PBX1: variants seen among roughly 807,000 people sequenced by gnomAD.
The protein encoded by PBX1 is pre-B-cell leukemia transcription factor 1.
In PBX1, 6 loss-of-function variants were observed where a neutral mutation model predicts 53.4. The observed-to-expected ratio is 0.11, with a 90% CI of 0.06 to 0.22. The LOEUF (loss-of-function observed/expected upper bound fraction) is 0.22, where lower values mean the gene tolerates loss of function less well. Among genes scored for constraint, PBX1 ranks in the 10% least tolerant of loss-of-function variants. The pLI is 1.00. For missense variants in PBX1, 251 were observed against 551.4 expected, an observed-to-expected ratio of 0.46 and a Z score of 5.46; for synonymous variants, 204 against 212.3, an observed-to-expected ratio of 0.96 and a Z score of 0.34.
At position 164,776,930 on chromosome 1, in the gene PBX1, T is replaced by TA. The variant is rs1314961491; in HGVS notation, c.266-15564_266-15563insA. ...GTGTGTGTGTGTGTGTGTGTGTGTG[T>TA]GTGTGGTGGGAGGAGAGAGAGAGAG... On this transcript the variant is annotated intron_variant, in intron 2 of 8. Coordinates refer to ENST00000420696, the MANE Select transcript of PBX1 (RefSeq NM_002585.4). Among the ~76,000 whole-genome samples the TA allele has an allele frequency of 1.9e-3, 165 of 88,222 alleles. 2 individuals are homozygous for TA. Among genetic ancestry groups the TA allele is most frequent in the Non-Finnish European group, 2.7e-3 (127 of 46,780 alleles). 57.9% of individuals were successfully genotyped at this position (88,222 alleles called of 152,430 possible). A position where few individuals can be genotyped will look rare whatever the true frequency, so the allele number is the denominator to read the frequency against.
Position 164,671,741 on chromosome 1 carries a change from C to T in PBX1, c.265+108430C>T, listed in dbSNP as rs563544698. Among the ~76,000 whole-genome samples, 111 of 152,164 alleles carry T rather than the reference C, an allele frequency of 7.3e-4. 1 individual carries two copies. The highest frequency in any genetic ancestry group is 2.6e-3 in the African/African-American group (108 of 41,518). On this transcript the variant is annotated intron_variant, in intron 2 of 8. Transcript: ENST00000420696. ...GAGGTTAAGAGTAAGCAGGTTAAATCTGCATTCAAATCAATAGAAAGCCTC... is the reference window on the plus strand; with the variant it reads ...GAGGTTAAGAGTAAGCAGGTTAAATTTGCATTCAAATCAATAGAAAGCCTC...
At chr1:164,820,965 A>G (rs1415191955) in intron 7 of PBX1, among the ~76,000 whole-genome samples, 2 of 152,148 alleles carry the variant, frequency 1.3e-5, no homozygotes, top group Non-Finnish European at 2.9e-5. Flanking sequence ...CTGGTCAGCG[A>G]TTCACCCCTT....
chr1:164,828,278 G>A (rs1670569992), intron 8 of PBX1, among the ~76,000 whole-genome samples: 2 of 152,120 alleles, frequency 1.3e-5, no homozygotes, highest in South Asian at 4.1e-4. Context: ...ATGCGTGTGT[G>A]TGTGTGTGTG....
intron 2 of PBX1, among the ~76,000 whole-genome samples, chr1:164,871,840 T>C (rs977459534): frequency 7.2e-6 from 1 of 138,182 alleles, no homozygotes; most frequent in Admixed American, 7.6e-5. Context: ...GCTGCTCTAC[T>C]GCACACCATT....
chr1:164,559,698 C>G lies in PBX1; in HGVS notation c.-125C>G, dbSNP rs1224989935. ...TTTTTCTTTTGGTCTTCTTTTTTCC[C>G]CCTTCCCTGTTTATCCTGAAAAGGA... On this transcript the variant is annotated 5_prime_UTR_variant, in exon 1 of 9. Coordinates refer to ENST00000420696, the MANE Select transcript of PBX1 (RefSeq NM_002585.4). 1.6e-6 allele frequency: 1 copy of G among 641,946 alleles called. No individual in the cohort carries two copies. Among genetic ancestry groups the G allele is most frequent in the Non-Finnish European group, 2.5e-6 (1 of 406,686 alleles). The allele number at this position is 641,946 out of a possible 1,614,324, so 39.8% of individuals were successfully genotyped here. A position where few individuals can be genotyped will look rare whatever the true frequency, so the allele number is the denominator to read the frequency against.
chr1:164,848,979 C>G lies in PBX1; in HGVS notation c.*2303C>G. ...GAAAGGTTGTGTCTACTAACTTCAG[C>G]CCTAATCAGAACAGATGCCTAGAAG... On this transcript the variant is annotated 3_prime_UTR_variant, in exon 9 of 9. Transcript: ENST00000420696. 2 of 1,103,764 alleles carry G rather than the reference C, an allele frequency of 1.8e-6. No individual in the cohort carries two copies. Among genetic ancestry groups the G allele is most frequent in the East Asian group, 9.2e-5 (2 of 21,752 alleles). 68.4% of individuals were successfully genotyped at this position (1,103,764 alleles called of 1,614,324 possible). A position where few individuals can be genotyped will look rare whatever the true frequency, so the allele number is the denominator to read the frequency against.
chr1:164,573,909 T>G (rs1029927848), intron 2 of PBX1, among the ~76,000 whole-genome samples: 1 of 152,240 alleles, frequency 6.6e-6, no homozygotes, highest in Non-Finnish European at 1.5e-5. Flanking sequence ...TCCGTTTTGT[T>G]CCTTTTTTGG....
intron 2 of PBX1, among the ~76,000 whole-genome samples, chr1:164,716,941 G>A (rs1025899713): frequency 2.6e-5 from 4 of 152,170 alleles, no homozygotes; most frequent in African/African-American, 7.2e-5. Context: ...GAGCAGTTAA[G>A]TTTCAGGGTG....
chr1:164,735,416 G>A (rs1409860979), intron 2 of PBX1, among the ~76,000 whole-genome samples: 1 of 152,162 alleles, frequency 6.6e-6, no homozygotes, highest in Non-Finnish European at 1.5e-5. Context: ...TCAGGGAGTT[G>A]TATATAAAGG....
chr1:164,633,129 C>T (rs1456305896), intron 2 of PBX1, among the ~76,000 whole-genome samples: 2 of 151,968 alleles, frequency 1.3e-5, no homozygotes, highest in Non-Finnish European at 2.9e-5. Context: ...CTTTTCTTCA[C>T]AACCATCTCT....
intron 2 of PBX1, among the ~76,000 whole-genome samples, chr1:164,790,936 G>T (rs76212021): frequency 0.034 from 5,135 of 151,944 alleles, 120 homozygotes; most frequent in Non-Finnish European, 0.05. Context: ...TGTCCCCCTG[G>T]GGCTCACCAG....
chr1:164,721,796 A>G (rs897815261), intron 2 of PBX1, among the ~76,000 whole-genome samples: 4 of 152,038 alleles, frequency 2.6e-5, no homozygotes, highest in Non-Finnish European at 4.4e-5. Flanking sequence ...CAGGGTGCCT[A>G]TTTTCACTTA....
chr1:164,657,884 A>G (rs1195429942), intron 2 of PBX1, among the ~76,000 whole-genome samples: 1 of 152,238 alleles, frequency 6.6e-6, no homozygotes, highest in African/African-American at 2.4e-5. Flanking sequence ...GGTGATGGAC[A>G]GATAGTCCCA....
chr1:164,711,364 C>T (rs556651806), intron 2 of PBX1, among the ~76,000 whole-genome samples: 48 of 152,292 alleles, frequency 3.2e-4, no homozygotes, highest in African/African-American at 9.4e-4. Flanking sequence ...TCCAAGTTCA[C>T]GCCATTCTCC....
intron 2 of PBX1, among the ~76,000 whole-genome samples, chr1:164,595,006 A>G (rs1258377382): frequency 6.6e-6 from 1 of 152,250 alleles, no homozygotes; most frequent in Non-Finnish European, 1.5e-5. Context: ...CGTGAAGACA[A>G]AAGAACCCGG....
At chr1:164,712,503 G>A (rs531066022) in intron 2 of PBX1, among the ~76,000 whole-genome samples, 9 of 152,198 alleles carry the variant, frequency 5.9e-5, no homozygotes, top group African/African-American at 1.7e-4. Context: ...GAGCCCAATC[G>A]AGTGGTACAC....
chr1:164,744,738 C>T (rs111298873), intron 2 of PBX1, among the ~76,000 whole-genome samples: 1 of 152,118 alleles, frequency 6.6e-6, no homozygotes, highest in Admixed American at 6.5e-5. Context: ...GGCCTCTGCT[C>T]TTAGAGAGTT....
chr1:164,870,349 CTTTCTTT>C (rs1558053886), intron 2 of PBX1, among the ~76,000 whole-genome samples: 955 of 94,670 alleles, frequency 0.01, 98 homozygotes, highest in East Asian at 0.018. Flanking sequence ...TTCTTTCTTT[CTTTCTTT>C]CTTTCGAGAT....
chr1:164,800,478 C>T (rs552992733), intron 4 of PBX1, among the ~76,000 whole-genome samples: 4 of 152,284 alleles, frequency 2.6e-5, no homozygotes, highest in Admixed American at 1.3e-4. Flanking sequence ...CTGCTCATGT[C>T]CTTACTTGTG....
Sources: gnomAD v4.1 joint callset for allele counts (sites outside exome capture counted in the v4.1 genomes callset) on GRCh38, gnomAD v4.1.1 for gene constraint, MANE v1.5 for transcripts, NCBI Gene and HGNC (gene_info 2026-07-23, HGNC 2026-07-21) for gene names.